SNRNP48: variants seen among roughly 807,000 people sequenced by gnomAD.
SNRNP48 encodes small nuclear ribonucleoprotein U11/U12 subunit 48.
A neutral mutation model predicts 47.0 loss-of-function variants in SNRNP48; 43 were observed. The ratio of observed to expected loss-of-function variants is 0.92; its 90% confidence interval spans 0.72 to 1.18. The LOEUF (loss-of-function observed/expected upper bound fraction) is 1.18. Among genes scored for constraint, SNRNP48 ranks in the 50% most tolerant of loss-of-function variants. The probability of loss-of-function intolerance (pLI) is 0.00; values close to 1 mark genes in which losing one functional copy is unlikely to be tolerated. For synonymous variants in SNRNP48, 138 were observed against 144.0 expected, an observed-to-expected ratio of 0.96 and a Z score of 0.30; for missense variants, 396 against 422.2, an observed-to-expected ratio of 0.94 and a Z score of 0.54.
At chr6:7,601,182 AT>A (rs1360587654) in intron 4 of SNRNP48, 153 bp from the exon 5 acceptor site, 4 of 517,794 alleles carry the variant, frequency 7.7e-6, no homozygotes, top group Non-Finnish European at 1.3e-5. Context: ...TTTGTCATTT[AT>A]TGCTTAGATT....
Position 7,590,407 on chromosome 6 carries a change from G to T in SNRNP48, c.150G>T (p.Ala50=). 1 of 1,315,654 alleles carries T rather than the reference G, an allele frequency of 7.6e-7. No homozygotes were observed. Among genetic ancestry groups the T allele is most frequent in the South Asian group, 2.3e-5 (1 of 42,634 alleles). The allele number at this position is 1,315,654 out of a possible 1,614,324, so 81.5% of individuals were successfully genotyped here. Residue 50 remains alanine (A), a synonymous_variant, in exon 1 of 9, where the codon GCG becomes GCT. Coordinates refer to ENST00000342415, the MANE Select transcript of SNRNP48 (RefSeq NM_152551.4). ...GTCTGGATCCCGGGGAAGAGGAGGCGGCGGAGGTGAGGAGCGCGGCCGCGG... is the reference window on the plus strand; with the variant it reads ...GTCTGGATCCCGGGGAAGAGGAGGCTGCGGAGGTGAGGAGCGCGGCCGCGG... ...LDSLDPGEEE[A]AEDEVVICPY...
chr6:7,595,269 G>C (rs1759883918), intron 4 of SNRNP48, among the ~76,000 whole-genome samples, 168 bp downstream of exon 4: 3 of 152,122 alleles, frequency 2.0e-5, no homozygotes, highest in Admixed American at 6.5e-5. Context: ...TCATTTGTTA[G>C]ATATTTCCTG....
chr6:7,600,808 A>T (rs961923290), intron 4 of SNRNP48: 4 of 152,184 alleles, frequency 2.6e-5, no homozygotes, highest in African/African-American at 9.7e-5. Context: ...CCTAGCTCTA[A>T]GTCCTTGCAC....
chr6:7,609,532 G>C lies in SNRNP48; in HGVS notation c.*659G>C, dbSNP rs1287765018. 6.6e-6 allele frequency: 1 copy of C among 152,072 alleles called. No homozygotes were observed. The highest frequency in any genetic ancestry group is 1.5e-5 in the Non-Finnish European group (1 of 68,010). The allele number at this position is 152,072 out of a possible 1,614,324, so 9.4% of individuals were successfully genotyped here. ...CAAAACAATACTATGCATTCTCTATGGCTATATAATGTACGTAAATCTATT... is the reference window on the plus strand; with the variant it reads ...CAAAACAATACTATGCATTCTCTATCGCTATATAATGTACGTAAATCTATT... On this transcript the variant is annotated 3_prime_UTR_variant, in exon 9 of 9. Coordinates refer to ENST00000342415, the MANE Select transcript of SNRNP48 (RefSeq NM_152551.4).
rs1230058868 is a variant in SNRNP48, at chr6:7,610,820, T to C, written c.*1947T>C. The C allele has an allele frequency of 2.6e-5, 4 of 152,238 alleles. No homozygotes were observed. The highest frequency in any genetic ancestry group is 5.9e-5 in the Non-Finnish European group (4 of 68,034). 9.4% of individuals were successfully genotyped at this position (152,238 alleles called of 1,614,324 possible). The stretch of plus-strand genomic sequence containing the variant: ...CCTTGAACGAATTAATCTCACGTAC[T>C]TCCCTGTTTGTGGTTTGAGCCTTTC... On this transcript the variant is annotated 3_prime_UTR_variant, in exon 9 of 9. Transcript: ENST00000342415.
chr6:7,595,915 T>C (rs1020644338), intron 4 of SNRNP48, among the ~76,000 whole-genome samples: 3 of 152,176 alleles, frequency 2.0e-5, no homozygotes, highest in Non-Finnish European at 2.9e-5. Context: ...GAGAGTAGGT[T>C]AGAAGTTTTA....
At position 7,606,189 on chromosome 6, in the gene SNRNP48, AAG is replaced by A. The variant is rs1760124776; in HGVS notation, c.970_971del (p.Arg324GlyfsTer7). ...AAAAACTGTGAGTCGAGAAGAAGGA[AAG>A]AGAGGTGGGTCTAACCCTGCATCAT... On this transcript the variant is annotated frameshift_variant, in exon 8 of 9. Coordinates refer to ENST00000342415, the MANE Select transcript of SNRNP48 (RefSeq NM_152551.4). LOFTEE classifies it high-confidence loss of function. The A allele has an allele frequency of 1.9e-6, 3 of 1,608,968 alleles. No individual in the cohort carries two copies. The highest frequency in any genetic ancestry group is 1.3e-5 in the African/African-American group (1 of 74,324).
chr6:7,597,865 CTTT>C (rs148304945), intron 4 of SNRNP48, among the ~76,000 whole-genome samples: 202 of 123,382 alleles, frequency 1.6e-3, no homozygotes, highest in East Asian at 3.0e-3. Context: ...TAACCGTAAC[CTTT>C]TTTTTTTTTT....
chr6:7,599,901 G>C lies in SNRNP48; in HGVS notation c.407-1435G>C, dbSNP rs4959444. On this transcript the variant is annotated intron_variant, in intron 4 of 8. Transcript: ENST00000342415. ...TTAAGATGAATAAATTGAAGAAAAG[G>C]CTAAAATAATTTAAGAAGGAAATTA... 1.7e-5 allele frequency: 17 copies of C among 1,000,738 alleles called. No homozygotes were observed. In the African/African-American group the frequency reaches 2.1e-4, roughly 12 times the overall value. 62.0% of individuals were successfully genotyped at this position (1,000,738 alleles called of 1,614,324 possible).
At position 7,610,746 on chromosome 6, in the gene SNRNP48, A is replaced by G. The variant is rs1760219284; in HGVS notation, c.*1873A>G. Reference sequence around the variant, plus strand: ...CACATTTTATAGTATCACTGCTACAAACTATTTAATGAAATGTGGCATCGG... The same window carrying G: ...CACATTTTATAGTATCACTGCTACAGACTATTTAATGAAATGTGGCATCGG... On this transcript the variant is annotated 3_prime_UTR_variant, in exon 9 of 9. Transcript: ENST00000342415. The G allele has an allele frequency of 6.6e-6, 1 of 152,188 alleles. No individual in the cohort carries two copies. The highest frequency in any genetic ancestry group is 2.4e-5 in the African/African-American group (1 of 41,450). The allele number at this position is 152,188 out of a possible 1,614,324, so 9.4% of individuals were successfully genotyped here.
rs981878817 is a variant in SNRNP48, at chr6:7,600,226, T to G, written c.407-1110T>G. 4.4e-5 allele frequency: 43 copies of G among 984,112 alleles called. No homozygotes were observed. The African/African-American group carries it at 7.2e-4, about 16-fold the overall frequency. The allele number at this position is 984,112 out of a possible 1,614,324, so 61.0% of individuals were successfully genotyped here. A position where few individuals can be genotyped will look rare whatever the true frequency, so the allele number is the denominator to read the frequency against. Reference sequence around the variant, plus strand: ...ACCATGGCCTCAGATTCACTGCAGCTCTCCTCTTAATATGTAGACAAGTAG... The same window carrying G: ...ACCATGGCCTCAGATTCACTGCAGCGCTCCTCTTAATATGTAGACAAGTAG... On this transcript the variant is annotated intron_variant, in intron 4 of 8. Coordinates refer to ENST00000342415, the MANE Select transcript of SNRNP48 (RefSeq NM_152551.4).
In SNRNP48 at chr6:7,608,971, G is replaced by T. The variant is rs1400352642; in HGVS notation, c.*98G>T. ...CCTTTGCATAGGAGAATGTTTTTATGATCTGTTTAGTGCTTATTATTTTTT... is the reference window on the plus strand; with the variant it reads ...CCTTTGCATAGGAGAATGTTTTTATTATCTGTTTAGTGCTTATTATTTTTT... On this transcript the variant is annotated 3_prime_UTR_variant, in exon 9 of 9. Coordinates refer to ENST00000342415, the MANE Select transcript of SNRNP48 (RefSeq NM_152551.4). 1 of 623,696 alleles carries T rather than the reference G, an allele frequency of 1.6e-6. No individual in the cohort carries two copies. The highest frequency in any genetic ancestry group is 2.6e-6 in the Non-Finnish European group (1 of 392,124). 38.6% of individuals were successfully genotyped at this position (623,696 alleles called of 1,614,324 possible). A position where few individuals can be genotyped will look rare whatever the true frequency, so the allele number is the denominator to read the frequency against.
At chr6:7,599,839 C>A in intron 4 of SNRNP48, 3 of 1,150,190 alleles carry the variant, frequency 2.6e-6, no homozygotes, top group Non-Finnish European at 3.3e-6. Context: ...GGTTGAATTA[C>A]AAGGAATTTA....
intron 1 of SNRNP48, 37 bp from the exon 2 acceptor site, chr6:7,593,697 T>C (rs114965804): frequency 1.2e-5 from 15 of 1,248,424 alleles, no homozygotes; most frequent in Non-Finnish European, 1.7e-5. Flanking sequence ...TTAAATATTA[T>C]GTACCTATTT....
At chr6:7,593,672 A>G in intron 1 of SNRNP48, 62 bp from the exon 2 acceptor site, 2 of 1,059,456 alleles carry the variant, frequency 1.9e-6, no homozygotes, top group Non-Finnish European at 2.7e-6. Flanking sequence ...TAAACATTTA[A>G]TGGTAATTAT....
chr6:7,604,776 T>C (rs1472625321), intron 6 of SNRNP48, among the ~76,000 whole-genome samples: 3 of 152,238 alleles, frequency 2.0e-5, no homozygotes, highest in South Asian at 4.1e-4. Flanking sequence ...AAAGTTTCTT[T>C]ATAGAGTCAT....
chr6:7,594,665 TATA>T (rs1406491045), intron 3 of SNRNP48, among the ~76,000 whole-genome samples: 3 of 152,230 alleles, frequency 2.0e-5, no homozygotes, highest in African/African-American at 7.2e-5. Flanking sequence ...GATATATATA[TATA>T]ATATTCTTAG....
Position 7,590,212 on chromosome 6 carries a change from G to T in SNRNP48, c.-46G>T. 7.9e-7 allele frequency: 1 copy of T among 1,269,168 alleles called. No homozygotes were observed. Among genetic ancestry groups the T allele is most frequent in the Non-Finnish European group, 1.0e-6 (1 of 999,802 alleles). 78.6% of individuals were successfully genotyped at this position (1,269,168 alleles called of 1,614,324 possible). A position where few individuals can be genotyped will look rare whatever the true frequency, so the allele number is the denominator to read the frequency against. ...CCACAGCTCCCAGAGGCCTGCGCGTGCGGTCTGCAGTTCGGCCGCTTCCTC... is the reference window on the plus strand; with the variant it reads ...CCACAGCTCCCAGAGGCCTGCGCGTTCGGTCTGCAGTTCGGCCGCTTCCTC... On this transcript the variant is annotated 5_prime_UTR_variant, in exon 1 of 9. Transcript: ENST00000342415.
intron 4 of SNRNP48, among the ~76,000 whole-genome samples, chr6:7,595,999 C>T (rs1277580658): frequency 1.3e-5 from 2 of 152,182 alleles, no homozygotes; most frequent in Non-Finnish European, 2.9e-5. Context: ...CACGGTGGCT[C>T]ATGCCTGTCA....
Sources: gnomAD v4.1 joint callset for allele counts (sites outside exome capture counted in the v4.1 genomes callset) on GRCh38, gnomAD v4.1.1 for gene constraint, MANE v1.5 for transcripts, NCBI Gene and HGNC (gene_info 2026-07-23, HGNC 2026-07-21) for gene names.